SLC38A10: variants seen among roughly 807,000 people sequenced by gnomAD.
SLC38A10 encodes solute carrier family 38 member 10, also known as Sodium-coupled neutral amino acid transporter 10.
In SLC38A10, 53 loss-of-function variants were observed where a neutral mutation model predicts 81.0. The ratio of observed to expected loss-of-function variants is 0.65; its 90% CI spans 0.53 to 0.82. SLC38A10 has a LOEUF of 0.82. Ranked by LOEUF, SLC38A10 falls within the 40% of genes least tolerant of loss-of-function variation. The pLI, the probability that SLC38A10 is intolerant of heterozygous loss-of-function variation, is 0.00. For synonymous variants in SLC38A10, 665 were observed against 655.3 expected (o/e 1.01, Z -0.23); for missense variants, 1,471 against 1,545.0 (o/e 0.95, Z 0.80).
At position 81,270,956 on chromosome 17, in the gene SLC38A10, T is replaced by G; in HGVS notation, c.1093A>C (p.Ile365Leu). 2 of 1,613,936 alleles carry G rather than the reference T, an allele frequency of 1.2e-6. No individual in the cohort carries two copies. Among genetic ancestry groups the G allele is most frequent in the Non-Finnish European group, 1.7e-6 (2 of 1,180,026 alleles). Reference sequence around the variant, plus strand: ...GCGTTCTTGTGGATTTTCTTGTAGATCAGCGCCGGGCAGATGAAGCAGATG... The same window carrying G: ...GCGTTCTTGTGGATTTTCTTGTAGAGCAGCGCCGGGCAGATGAAGCAGATG... ...SLICFICPALIYKKIHKNALS... is the reference protein window; with the variant it reads ...SLICFICPALLYKKIHKNALS... The change falls in exon 10 of 16, where the codon ATC (isoleucine) becomes CTC (leucine). Residue 365 changes from isoleucine to leucine, a missense_variant. This residue lies in a region of SLC38A10 where 720 missense variants were observed against 827.7 expected (regional missense o/e 0.87). Transcript: ENST00000374759. The surrounding 1 kb of genome is among the most constrained non-coding windows in gnomAD (Gnocchi z 4.0).
chr17:81,257,484 G>T (rs2062983512), intron 11 of SLC38A10, among the ~76,000 whole-genome samples: 1 of 152,192 alleles, frequency 6.6e-6, no homozygotes, highest in South Asian at 2.1e-4. Context: ...GCTGTCCTGA[G>T]ATGGCAGGGA....
In SLC38A10 at chr17:81,246,676, G is replaced by A. The variant is rs974865263; in HGVS notation, c.2243-3C>T. The A allele has an allele frequency of 1.3e-6, 2 of 1,503,316 alleles. No homozygotes were observed. Among genetic ancestry groups the A allele is most frequent in the Non-Finnish European group, 1.8e-6 (2 of 1,127,154 alleles). 93.1% of individuals were successfully genotyped at this position (1,503,316 alleles called of 1,614,324 possible). A position where few individuals can be genotyped will look rare whatever the true frequency, so the allele number is the denominator to read the frequency against. ...CCCGGGCTCTTGATGCACCTCCACT[G>A]CAAATGAAGTCGGTCATCAATTTAG... is the stretch of plus-strand genomic sequence containing the variant. On this transcript the variant is annotated splice_polypyrimidine_tract_variant and splice_region_variant and intron_variant, in intron 15 of 15. Transcript: ENST00000374759.
rs577085787 is a variant in SLC38A10, at chr17:81,254,100, A to G, written c.1289-860T>C. Among the ~76,000 whole-genome samples, 200 of 152,118 alleles carry G rather than the reference A, an allele frequency of 1.3e-3. 2 individuals carry two copies. Among genetic ancestry groups the G allele is most frequent in the African/African-American group, 4.7e-3 (194 of 41,494 alleles). ...CGTCACCACCACCACCACCGCCATC[A>G]CCACCTCCCTGTCCCAGCAAGGCCA... On this transcript the variant is annotated intron_variant, in intron 11 of 15. Transcript: ENST00000374759.
rs2062915654 is a variant in SLC38A10 at position 81,251,628 on chromosome 17, A to G, written c.1946-16T>C. The G allele has an allele frequency of 7.4e-6, 11 of 1,478,022 alleles. No homozygotes were observed. Among genetic ancestry groups the G allele is most frequent in the Non-Finnish European group, 9.8e-6 (11 of 1,123,038 alleles). 91.6% of individuals were successfully genotyped at this position (1,478,022 alleles called of 1,614,324 possible). ...GGCTTCCCACCTGCACACACGGTGA[A>G]GACTCAGAAGGTTTTGCAGGAAAGT... is the stretch of plus-strand genomic sequence containing the variant. On this transcript the variant is annotated splice_polypyrimidine_tract_variant and intron_variant, in intron 13 of 15. Coordinates refer to ENST00000374759, the MANE Select transcript of SLC38A10 (RefSeq NM_001037984.3).
chr17:81,264,690 T>C (rs938264987), intron 10 of SLC38A10: 2 of 152,222 alleles, frequency 1.3e-5, no homozygotes, highest in Non-Finnish European at 2.9e-5. Context: ...GTGGGGGCTC[T>C]GGCTGCTCTG....
chr17:81,258,072 C>A (rs1210587068), intron 11 of SLC38A10, among the ~76,000 whole-genome samples: 1 of 152,250 alleles, frequency 6.6e-6, no homozygotes, highest in East Asian at 1.9e-4. Flanking sequence ...TGAAGCCGTG[C>A]ATGGGGCCCC....
chr17:81,271,354 CT>C (rs1349183537), intron 9 of SLC38A10, among the ~76,000 whole-genome samples: 1 of 152,128 alleles, frequency 6.6e-6, no homozygotes, highest in African/African-American at 2.4e-5. Context: ...ATGAGTGGCC[CT>C]AGGAAGGCAG....
chr17:81,293,438 G>C (rs1014991988), intron 1 of SLC38A10, among the ~76,000 whole-genome samples: 1 of 152,198 alleles, frequency 6.6e-6, no homozygotes, highest in African/African-American at 2.4e-5. Context: ...CTGGAGGGCT[G>C]CACGGGAGGG....
In SLC38A10 at chr17:81,274,631, C is replaced by T. The variant is rs115884413; in HGVS notation, c.912+1338G>A. Among the ~76,000 whole-genome samples, 1,035 of 152,342 alleles carry T rather than the reference C, an allele frequency of 6.8e-3. 16 individuals are homozygous for T. Among genetic ancestry groups the T allele is most frequent in the African/African-American group, 0.024 (981 of 41,582 alleles). On this transcript the variant is annotated intron_variant, in intron 8 of 15. Coordinates refer to ENST00000374759, the MANE Select transcript of SLC38A10 (RefSeq NM_001037984.3). ...GGAACCTGGACGGGGCAGGGCTCCTCCAGCACTGCAGAGTGGCGTCTGCAC... is the reference window on the plus strand; with the variant it reads ...GGAACCTGGACGGGGCAGGGCTCCTTCAGCACTGCAGAGTGGCGTCTGCAC...
At position 81,271,021 on chromosome 17, in the gene SLC38A10, T is replaced by C; in HGVS notation, c.1028A>G (p.Glu343Gly). ...MVGGILIPNV[E>G]TILGLTGATM... ...CGCTCCTGTGAGGCCCAGGATGGTC[T>C]CCACTAGGATGGAGAAGTGACAGGA... The change falls in exon 10 of 16, where the codon GAG becomes GGG. Residue 343 changes from glutamate (E) to glycine (G), a missense_variant. Transcript: ENST00000374759. 2 of 1,611,168 alleles carry C rather than the reference T, an allele frequency of 1.2e-6. No individual in the cohort carries two copies. The highest frequency in any genetic ancestry group is 1.7e-6 in the Non-Finnish European group (2 of 1,179,254).
intron 10 of SLC38A10, 71 bp from the exon 11 acceptor site, chr17:81,260,465 C>T: frequency 6.6e-7 from 1 of 1,509,976 alleles, no homozygotes. Context: ...ATAAAACTGG[C>T]CTGGCAGAGA....
chr17:81,258,442 C>T (rs2062991905), intron 11 of SLC38A10, among the ~76,000 whole-genome samples: 1 of 152,174 alleles, frequency 6.6e-6, no homozygotes, highest in South Asian at 2.1e-4. Context: ...ACCAGGTGAG[C>T]CGGAGGCCCA....
At chr17:81,247,209 T>C in intron 14 of SLC38A10, 148 bp from the exon 15 acceptor site, 1 of 815,526 alleles carries the variant, frequency 1.2e-6, no homozygotes. Flanking sequence ...CCATCATGAC[T>C]GTGACCGTGA....
rs923032374 is a variant in SLC38A10 at position 81,288,153 on chromosome 17, C to A, written c.217+1538G>T. ...CTCCGGTTCTGAGGGCCGAAACGAACGCAGGACTCTCTGTGGCAACATGAA... is the reference window on the plus strand; with the variant it reads ...CTCCGGTTCTGAGGGCCGAAACGAAAGCAGGACTCTCTGTGGCAACATGAA... On this transcript the variant is annotated intron_variant, in intron 2 of 15. Transcript: ENST00000374759. The surrounding 1 kb of genome is among the most constrained non-coding windows in gnomAD (Gnocchi z 5.4). Among the ~76,000 whole-genome samples, 7 of 152,200 alleles carry A rather than the reference C, an allele frequency of 4.6e-5. No homozygotes were observed. Among genetic ancestry groups the A allele is most frequent in the Admixed American group, 4.6e-4 (7 of 15,276 alleles).
Position 81,265,765 on chromosome 17 carries a change from A to C in SLC38A10, c.1131+5153T>G, listed in dbSNP as rs1430956709. 6.6e-6 allele frequency among the ~76,000 whole-genome samples: 1 copy of C among 152,216 alleles called. No individual in the cohort carries two copies. Among genetic ancestry groups the C allele is most frequent in the Admixed American group, 6.5e-5 (1 of 15,278 alleles). On this transcript the variant is annotated intron_variant, in intron 10 of 15. Coordinates refer to ENST00000374759, the MANE Select transcript of SLC38A10 (RefSeq NM_001037984.3). The surrounding 1 kb of genome is among the most constrained non-coding windows in gnomAD (Gnocchi z 4.2). ...CCCAGGGTACGGCCTTGCGGTGCTG[A>C]CATCTCCGTACCTAAGGAAACAGGG...
chr17:81,294,879 T>A lies in SLC38A10; in HGVS notation c.43A>T (p.Ile15Phe). 6.3e-7 allele frequency: 1 copy of A among 1,597,106 alleles called. No individual in the cohort carries two copies. Among genetic ancestry groups the A allele is most frequent in the Admixed American group, 1.7e-5 (1 of 57,978 alleles). The change falls in exon 1 of 16, where the codon ATC becomes TTC. Residue 15 changes from isoleucine (I) to phenylalanine (F), a missense_variant. Physicochemically the swap from Ile to Phe is conservative, Grantham distance 21. This residue lies in a region of SLC38A10 where 720 missense variants were observed against 827.7 expected (regional missense o/e 0.87). Transcript: ENST00000374759. The stretch of plus-strand genomic sequence containing the variant: ...CTGACCCCTACGATGCTGTTCACGA[T>A]GTTCGTGATCAGCCCCCAGTTGGAG... The part of the protein sequence containing the change: ...AASNWGLITN[I>F]VNSIVGVSVL...
At position 81,271,788 on chromosome 17, in the gene SLC38A10, G is replaced by A. The variant is rs553408723; in HGVS notation, c.1024+728C>T. ...TTTTTTTTGGCTGGAGTGTAGTGGAGCGATCTCAGCTCACTGCAAGCTTCG... is the reference window on the plus strand; with the variant it reads ...TTTTTTTTGGCTGGAGTGTAGTGGAACGATCTCAGCTCACTGCAAGCTTCG... On this transcript the variant is annotated intron_variant, in intron 9 of 15. Transcript: ENST00000374759. Among the ~76,000 whole-genome samples, 4 of 146,602 alleles carry A rather than the reference G, an allele frequency of 2.7e-5. No homozygotes were observed. In the South Asian group the frequency reaches 8.7e-4, roughly 32 times the overall value.
intron 1 of SLC38A10, among the ~76,000 whole-genome samples, chr17:81,290,622 CA>C (rs986564535): frequency 8.5e-5 from 13 of 152,156 alleles, no homozygotes; most frequent in African/African-American, 2.9e-4. Flanking sequence ...TGGCTGATGA[CA>C]AAGGGGCACA....
intron 8 of SLC38A10, among the ~76,000 whole-genome samples, chr17:81,275,072 A>C (rs562657644): frequency 1.3e-5 from 2 of 152,162 alleles, no homozygotes; most frequent in South Asian, 4.2e-4. Context: ...TGCGTGGCTA[A>C]TTTTTGTTAA....
Sources: gnomAD v4.1 joint callset for allele counts (sites outside exome capture counted in the v4.1 genomes callset) on GRCh38, gnomAD v4.1.1 for gene constraint, gnomAD v4.1.1 regional missense constraint, Gnocchi (gnomAD v3.1) non-coding constraint, MANE v1.5 for transcripts, NCBI Gene and HGNC (gene_info 2026-07-23, HGNC 2026-07-21) for gene names.